AKAP6: variants seen among roughly 807,000 people sequenced by gnomAD.
The protein encoded by AKAP6 is A-kinase anchor protein 6.
AKAP6 carries 58 observed loss-of-function variants against 188.5 expected under a neutral mutation model. That is an observed-to-expected ratio of 0.31 (90% CI 0.25 to 0.38). AKAP6 has a LOEUF of 0.38. AKAP6 is among the 10% of genes least tolerant of loss of function. AKAP6 has a pLI of 1.00. For missense variants in AKAP6, 2,710 were observed against 2,740.0 expected (o/e 0.99, Z 0.24); for synonymous variants, 989 against 998.6 (o/e 0.99, Z 0.18).
Position 32,834,190 on chromosome 14 carries a change from C to T in AKAP6, c.*4385C>T, listed in dbSNP as rs765727284. 6 of 152,084 alleles carry T rather than the reference C, an allele frequency of 3.9e-5. No individual in the cohort carries two copies. Among genetic ancestry groups the T allele is most frequent in the Non-Finnish European group, 7.3e-5 (5 of 68,048 alleles). 9.4% of individuals were successfully genotyped at this position (152,084 alleles called of 1,614,324 possible). ...TGTGGATCACCTAAGGTCAGGAGTT[C>T]GAGATCAGCCTGGCCAACATGGTGA... On this transcript the variant is annotated 3_prime_UTR_variant, in exon 14 of 14. Transcript: ENST00000280979.
intron 11 of AKAP6, among the ~76,000 whole-genome samples, chr14:32,748,030 C>T (rs1282530407): frequency 3.3e-5 from 5 of 152,170 alleles, no homozygotes; most frequent in African/African-American, 7.2e-5. Context: ...TACTTATTGT[C>T]TTGAAAATCA....
intron 1 of AKAP6, among the ~76,000 whole-genome samples, chr14:32,406,159 C>G (rs528927942): frequency 6.6e-6 from 1 of 151,974 alleles, no homozygotes; most frequent in South Asian, 2.1e-4. Context: ...GATAGTGTAA[C>G]GAAAGCTCTC....
intron 11 of AKAP6, among the ~76,000 whole-genome samples, chr14:32,767,543 C>T (rs944190768): frequency 2.0e-5 from 3 of 152,056 alleles, no homozygotes; most frequent in Non-Finnish European, 2.9e-5. Flanking sequence ...AAAAGGCACT[C>T]AATAAGTACA....
chr14:32,414,954 T>C (rs1168150886), intron 1 of AKAP6, among the ~76,000 whole-genome samples: 2 of 152,178 alleles, frequency 1.3e-5, no homozygotes, highest in Admixed American at 1.3e-4. Context: ...GTAATTACAT[T>C]ATGTATTTTT....
intron 1 of AKAP6, among the ~76,000 whole-genome samples, chr14:32,382,601 A>C (rs2138556657): frequency 6.6e-6 from 1 of 152,310 alleles, no homozygotes; most frequent in East Asian, 1.9e-4. Context: ...GTGCCCAGTG[A>C]CATGATGTCC....
chr14:32,396,344 A>G (rs149683389), intron 1 of AKAP6, among the ~76,000 whole-genome samples: 1 of 152,312 alleles, frequency 6.6e-6, no homozygotes, highest in Non-Finnish European at 1.5e-5. Context: ...TTGGAAACTC[A>G]TTAAGAAACT....
At chr14:32,337,607 A>G (rs1351174560) in intron 1 of AKAP6, among the ~76,000 whole-genome samples, 1 of 152,074 alleles carries the variant, frequency 6.6e-6, no homozygotes, top group Non-Finnish European at 1.5e-5. Flanking sequence ...GTTTTAGGGT[A>G]CATGTGCACA....
intron 1 of AKAP6, among the ~76,000 whole-genome samples, chr14:32,398,796 CTCTCTCT>C (rs779473134): frequency 2.8e-5 from 4 of 144,018 alleles, no homozygotes; most frequent in African/African-American, 5.1e-5. Flanking sequence ...CTCTCTCTCT[CTCTCTCT>C]CCCCCTCCCC....
intron 9 of AKAP6, among the ~76,000 whole-genome samples, chr14:32,725,268 A>G (rs1181013598): frequency 6.6e-6 from 1 of 152,166 alleles, no homozygotes; most frequent in Non-Finnish European, 1.5e-5. Context: ...TACTTTTTGC[A>G]TATTTTTCCC....
intron 7 of AKAP6, among the ~76,000 whole-genome samples, chr14:32,672,735 T>C (rs112548206): frequency 0.015 from 2,250 of 152,292 alleles, 53 homozygotes; most frequent in African/African-American, 0.048. Flanking sequence ...AGGTACTAGT[T>C]ACTAGAATCT....
intron 1 of AKAP6, among the ~76,000 whole-genome samples, chr14:32,427,169 C>A (rs2138685260): frequency 6.6e-6 from 1 of 152,242 alleles, no homozygotes; most frequent in Middle Eastern, 3.4e-3. Flanking sequence ...AGTCCTTCTC[C>A]TCACTGACAT....
chr14:32,735,956 A>G lies in AKAP6; in HGVS notation c.3372+74A>G, dbSNP rs184096805. On this transcript the variant is annotated intron_variant, in intron 11 of 13. Coordinates refer to ENST00000280979, the MANE Select transcript of AKAP6 (RefSeq NM_004274.5). The stretch of plus-strand genomic sequence containing the variant: ...GATGAAATATTTATCAAGTACATGA[A>G]GTATTATACCCATGTATCTGTGTAT... 560 of 1,127,628 alleles carry G rather than the reference A, an allele frequency of 5.0e-4. 2 individuals carry two copies. In the African/African-American group the frequency reaches 7.8e-3, roughly 16 times the overall value. 69.9% of individuals were successfully genotyped at this position (1,127,628 alleles called of 1,614,324 possible). A position where few individuals can be genotyped will look rare whatever the true frequency, so the allele number is the denominator to read the frequency against.
At chr14:32,801,791 G>T (rs563324203) in intron 12 of AKAP6, among the ~76,000 whole-genome samples, 4 of 152,172 alleles carry the variant, frequency 2.6e-5, no homozygotes, top group South Asian at 2.1e-4. Flanking sequence ...TAGTTTGGTG[G>T]TTTTTTTCTT....
At chr14:32,510,438 G>A (rs111969595) in intron 2 of AKAP6, among the ~76,000 whole-genome samples, 3,626 of 81,676 alleles carry the variant, frequency 0.044, 106 homozygotes, top group African/African-American at 0.073. Context: ...ATATATATGT[G>A]TATATATATA....
intron 12 of AKAP6, among the ~76,000 whole-genome samples, chr14:32,779,184 C>T (rs764337902): frequency 2.0e-4 from 31 of 151,874 alleles, no homozygotes; most frequent in African/African-American, 6.8e-4. Flanking sequence ...TCACTTAACC[C>T]CAGGAGTTTG....
In AKAP6 at chr14:32,545,688, G is replaced by T. The variant is rs1159294274; in HGVS notation, c.1035G>T (p.Gln345His). 5 of 1,614,062 alleles carry T rather than the reference G, an allele frequency of 3.1e-6. No individual in the cohort carries two copies. The highest frequency in any genetic ancestry group is 4.2e-6 in the Non-Finnish European group (5 of 1,180,032). Residue 345 changes from glutamine to histidine, a missense_variant, in exon 4 of 14, where the codon CAG becomes CAT. Transcript: ENST00000280979. ...CTCAACCCTCCTCTGAGACTGTGCA[G>T]CAAGAATCCAGTTCCTCCTCCCATC... ...NAAQPSSETV[Q>H]QESSSSSHHD...
intron 2 of AKAP6, among the ~76,000 whole-genome samples, chr14:32,529,352 C>T (rs1594713338): frequency 6.6e-6 from 1 of 152,072 alleles, no homozygotes; most frequent in East Asian, 1.9e-4. Flanking sequence ...GCTTATTAGT[C>T]CCAGGAGTCT....
intron 10 of AKAP6, among the ~76,000 whole-genome samples, 170 bp from the exon 11 acceptor site, chr14:32,735,488 A>C (rs2031370929): frequency 6.6e-6 from 1 of 152,130 alleles, no homozygotes; most frequent in Non-Finnish European, 1.5e-5. Flanking sequence ...ACTGAATGTC[A>C]GTAGTGAGGT....
chr14:32,827,910 G>T (rs2034714624), intron 13 of AKAP6, among the ~76,000 whole-genome samples: 1 of 152,092 alleles, frequency 6.6e-6, no homozygotes, highest in Admixed American at 6.5e-5. Context: ...GCCAGTGTGT[G>T]CTTTTTCTTT....
Sources: allele counts gnomAD v4.1 joint callset (sites outside exome capture counted in the v4.1 genomes callset), GRCh38; gene constraint gnomAD v4.1.1; transcripts MANE v1.5; gene names NCBI Gene and HGNC (gene_info 2026-07-23, HGNC 2026-07-21).